Variants in PDE3B observed in about 807,000 individuals in gnomAD.
PDE3B encodes phosphodiesterase 3B.
In PDE3B, 66 loss-of-function variants were observed where a neutral mutation model predicts 116.8. The observed-to-expected ratio is 0.56, with a 90% CI of 0.46 to 0.69. The LOEUF is 0.69. Among genes scored for constraint, PDE3B ranks in the 30% least tolerant of loss-of-function variants. The pLI, the probability that PDE3B is intolerant of heterozygous loss-of-function variation, is 0.00. For synonymous variants in PDE3B, 595 were observed against 533.6 expected, an observed-to-expected ratio of 1.12 and a Z score of -1.59; for missense variants, 1,384 against 1,368.1, an observed-to-expected ratio of 1.01 and a Z score of -0.18.
intron 1 of PDE3B, among the ~76,000 whole-genome samples, chr11:14,707,725 T>C (rs914573682): frequency 1.7e-4 from 26 of 152,064 alleles, no homozygotes; most frequent in African/African-American, 6.3e-4. Flanking sequence ...TTCTTTAGAC[T>C]TCTTCTTTGA....
In PDE3B at chr11:14,661,785, G is replaced by A. The variant is rs566442416; in HGVS notation, c.978+16732G>A. ...GCCTGCCATTTCCGAGGCTTGCTTA[G>A]GTAAACAAAGCAGCAGGTAAGCTCG... On this transcript the variant is annotated intron_variant, in intron 1 of 15. Transcript: ENST00000282096. Among the ~76,000 whole-genome samples, 10 of 152,310 alleles carry A rather than the reference G, an allele frequency of 6.6e-5. No homozygotes were observed. In the South Asian group the frequency reaches 1.9e-3, roughly 28 times the overall value.
intron 12 of PDE3B, among the ~76,000 whole-genome samples, chr11:14,849,815 A>G (rs900613156): frequency 6.6e-6 from 1 of 152,038 alleles, no homozygotes; most frequent in Non-Finnish European, 1.5e-5. Context: ...TTAGAATGGC[A>G]ATCATTAAAA....
the PDE3B span, chr11:14,886,022 G>A: frequency 2.0e-5 from 23 of 1,138,506 alleles, no homozygotes; most frequent in South Asian, 1.0e-4. Flanking sequence ...GATTTGTTAC[G>A]TCCCTGAAAA....
At chr11:14,739,387 T>G (rs1856697599) in intron 1 of PDE3B, among the ~76,000 whole-genome samples, 2 of 129,458 alleles carry the variant, frequency 1.5e-5, no homozygotes, top group Admixed American at 1.7e-4. Context: ...AGTTCACTCA[T>G]GATTTGGCTC....
At chr11:14,650,201 GTTTTT>G (rs59519371) in intron 1 of PDE3B, among the ~76,000 whole-genome samples, 1 of 130,892 alleles carries the variant, frequency 7.6e-6, no homozygotes. Flanking sequence ...ATTCAGCAAT[GTTTTT>G]TTTTTTTTTT....
At chr11:14,849,837 A>C (rs1413591145) in intron 12 of PDE3B, among the ~76,000 whole-genome samples, 2 of 151,978 alleles carry the variant, frequency 1.3e-5, no homozygotes, top group African/African-American at 2.4e-5. Flanking sequence ...GTCAGGAAAC[A>C]ACAGGTGCTG....
intron 5 of PDE3B, among the ~76,000 whole-genome samples, chr11:14,808,566 A>G (rs543342373): frequency 1.5e-4 from 23 of 152,332 alleles, no homozygotes; most frequent in Non-Finnish European, 2.9e-4. Context: ...AGCCAGGGCA[A>G]TTAGGTGAGA....
intron 1 of PDE3B, among the ~76,000 whole-genome samples, chr11:14,759,113 G>A (rs1476924268): frequency 6.6e-6 from 1 of 152,148 alleles, no homozygotes; most frequent in Non-Finnish European, 1.5e-5. Context: ...TCCCAGGGAT[G>A]AAGCCCACTT....
the PDE3B span, chr11:14,880,857 G>A: frequency 8.0e-7 from 1 of 1,242,974 alleles, no homozygotes; most frequent in Non-Finnish European, 1.1e-6. Context: ...TGGATGGTTA[G>A]TCATCCTTCT....
downstream of PDE3B, among the ~76,000 whole-genome samples, chr11:14,875,230 G>A (rs1389276646): frequency 1.3e-5 from 2 of 152,014 alleles, no homozygotes; most frequent in East Asian, 1.9e-4. Flanking sequence ...TAGCTATCCC[G>A]TGAAGAATGG....
chr11:14,710,211 T>C (rs1173925801), intron 1 of PDE3B, among the ~76,000 whole-genome samples: 3 of 152,258 alleles, frequency 2.0e-5, no homozygotes, highest in Non-Finnish European at 4.4e-5. Context: ...GCTCTGTTAA[T>C]GTTATTGTGC....
chr11:14,673,508 C>T (rs139494889), intron 1 of PDE3B: 57 of 345,016 alleles, frequency 1.7e-4, no homozygotes, highest in African/African-American at 1.2e-3. Context: ...CAAAGCACAT[C>T]GTTTGTACAA....
intron 2 of PDE3B, among the ~76,000 whole-genome samples, chr11:14,782,539 A>T (rs1858042459): frequency 6.6e-6 from 1 of 152,180 alleles, no homozygotes; most frequent in African/African-American, 2.4e-5. Flanking sequence ...AATGGTATTG[A>T]GAAAACTGGC....
chr11:14,687,578 A>C (rs145956798), intron 1 of PDE3B, among the ~76,000 whole-genome samples: 15 of 152,188 alleles, frequency 9.9e-5, no homozygotes, highest in African/African-American at 3.6e-4. Context: ...GGGTATTTTA[A>C]GCCTGTTTTA....
downstream of PDE3B, among the ~76,000 whole-genome samples, chr11:14,872,348 A>C (rs536195535): frequency 2.6e-5 from 4 of 152,310 alleles, no homozygotes; most frequent in African/African-American, 9.6e-5. Flanking sequence ...TGACTTTTAA[A>C]CTCAGAACTG....
At chr11:14,807,849 C>T (rs1759085987) in intron 5 of PDE3B, among the ~76,000 whole-genome samples, 2 of 152,036 alleles carry the variant, frequency 1.3e-5, no homozygotes, top group Non-Finnish European at 2.9e-5. Flanking sequence ...GAGTTTGAGA[C>T]CAGCCTGGCC....
At chr11:14,757,409 A>C (rs1262262204) in intron 1 of PDE3B, among the ~76,000 whole-genome samples, 1 of 148,138 alleles carries the variant, frequency 6.8e-6, no homozygotes, top group Non-Finnish European at 1.5e-5. Flanking sequence ...ACTAGTTTAC[A>C]GTCCCACCAA....
intron 7 of PDE3B, among the ~76,000 whole-genome samples, chr11:14,829,460 T>C (rs1363665315): frequency 6.6e-6 from 1 of 152,150 alleles, no homozygotes; most frequent in Non-Finnish European, 1.5e-5. Context: ...ATGATTATCA[T>C]AGTTTTTCTA....
chr11:14,663,356 G>T (rs1262388219), intron 1 of PDE3B, among the ~76,000 whole-genome samples: 1 of 152,178 alleles, frequency 6.6e-6, no homozygotes, highest in Non-Finnish European at 1.5e-5. Context: ...GCAAAATCAT[G>T]CCAAATTGTA....
Sources: gnomAD v4.1 joint callset for allele counts (sites outside exome capture counted in the v4.1 genomes callset) on GRCh38, gnomAD v4.1.1 for gene constraint, MANE v1.5 for transcripts, NCBI Gene and HGNC (gene_info 2026-07-23, HGNC 2026-07-21) for gene names.